The following CNOT1 variants were observed in gnomAD, a reference collection of about 807,000 sequenced individuals.
CNOT1 encodes the protein CCR4-associated factor 1.
A neutral mutation model predicts 273.8 loss-of-function variants in CNOT1; 15 were observed. That is an observed-to-expected ratio of 0.05 (90% CI 0.04 to 0.08). The LOEUF is 0.08. Among genes scored for constraint, CNOT1 ranks in the 10% least tolerant of loss-of-function variants. The pLI is 1.00. For missense variants in CNOT1, 1,644 were observed against 2,912.2 expected, an observed-to-expected ratio of 0.56 and a Z score of 10.02; for synonymous variants, 1,022 against 1,005.5, an observed-to-expected ratio of 1.02 and a Z score of -0.31.
chr16:58,529,419 G>A (rs1054066466), intron 43 of CNOT1, among the ~76,000 whole-genome samples: 4 of 151,978 alleles, frequency 2.6e-5, no homozygotes, highest in African/African-American at 9.7e-5. Context: ...CAAAGGGCTT[G>A]TATTTAAAAC....
intron 1 of CNOT1, among the ~76,000 whole-genome samples, chr16:58,618,689 C>A (rs527917568): frequency 6.7e-6 from 1 of 149,848 alleles, no homozygotes; most frequent in African/African-American, 2.5e-5. Flanking sequence ...TTCCGTAGTT[C>A]ATAAGCATGA....
chr16:58,545,270 G>A (rs1392120482), intron 30 of CNOT1, 91 bp downstream of exon 30: 2 of 1,553,736 alleles, frequency 1.3e-6, no homozygotes, highest in Non-Finnish European at 8.7e-7. Context: ...GGAATCCAGA[G>A]GGAAGGGCAA....
chr16:58,611,376 C>T (rs564413480), intron 1 of CNOT1, among the ~76,000 whole-genome samples: 15 of 152,004 alleles, frequency 9.9e-5, no homozygotes, highest in Admixed American at 3.9e-4. Flanking sequence ...TTACAGGGAG[C>T]CGAGACCACG....
rs56180546 is a variant in CNOT1 at position 58,554,935 on chromosome 16, C to CAAAAAAAA, written c.2891+308_2891+315dup. ...TGGGGGACAGAGCAAGACTCCATCT[C>CAAAAAAAA]AAAAAAAAAAAAAAAAAAGCTTCAG... On this transcript the variant is annotated intron_variant, in intron 21 of 48. Transcript: ENST00000317147. Among the ~76,000 whole-genome samples, 545 of 78,106 alleles carry CAAAAAAAA rather than the reference C, an allele frequency of 7.0e-3. 14 individuals carry two copies. Among genetic ancestry groups the CAAAAAAAA allele is most frequent in the Middle Eastern group, 8.2e-3 (1 of 122 alleles). The allele number at this position is 78,106 out of a possible 152,430, so 51.2% of individuals were successfully genotyped here.
chr16:58,620,002 G>A (rs539137109), intron 1 of CNOT1, among the ~76,000 whole-genome samples: 23 of 152,120 alleles, frequency 1.5e-4, no homozygotes, highest in African/African-American at 4.6e-4. Flanking sequence ...AACCACCACC[G>A]ATAGATCTTT....
chr16:58,602,421 T>C (rs1197098028), intron 1 of CNOT1, among the ~76,000 whole-genome samples: 1 of 151,650 alleles, frequency 6.6e-6, no homozygotes, highest in African/African-American at 2.4e-5. Flanking sequence ...GGTGTGGTGG[T>C]GCACACCTAT....
intron 25 of CNOT1, among the ~76,000 whole-genome samples, chr16:58,548,270 T>G (rs2040325306): frequency 1.3e-5 from 2 of 152,190 alleles, no homozygotes; most frequent in Non-Finnish European, 2.9e-5. Flanking sequence ...ATTTAACTGA[T>G]TCTCCGGTTA....
intron 1 of CNOT1, among the ~76,000 whole-genome samples, chr16:58,609,026 T>C (rs1332038199): frequency 6.6e-6 from 1 of 152,290 alleles, no homozygotes; most frequent in East Asian, 1.9e-4. Flanking sequence ...ACAAAGTGGG[T>C]ACAGTGTATA....
chr16:58,528,170 C>A, intron 44 of CNOT1: 1 of 520,300 alleles, frequency 1.9e-6, no homozygotes, highest in South Asian at 1.6e-5. Flanking sequence ...CCATGTGGGG[C>A]ACACCCAGCA....
intron 1 of CNOT1, among the ~76,000 whole-genome samples, chr16:58,618,875 G>A (rs181272645): frequency 3.4e-4 from 52 of 152,150 alleles, no homozygotes; most frequent in African/African-American, 1.2e-3. Flanking sequence ...CCTTGTGTAT[G>A]TGCCTTAAAT....
rs1433194627 is a variant in CNOT1, at chr16:58,538,045, A to C, written c.5260T>G (p.Leu1754Val). 3 of 1,614,088 alleles carry C rather than the reference A, an allele frequency of 1.9e-6. No individual in the cohort carries two copies. Among genetic ancestry groups the C allele is most frequent in the Non-Finnish European group, 2.5e-6 (3 of 1,180,044 alleles). ...GCAAATGCCACAGCCATGTAGTTTAAGCCATTCTCCATTGACTGGCAACAC... is the reference window on the plus strand; with the variant it reads ...GCAAATGCCACAGCCATGTAGTTTACGCCATTCTCCATTGACTGGCAACAC... ...LHLAQSMENG[L>V]NYMAVAFAMQ... Residue 1754 changes from leucine to valine, a missense_variant, in exon 38 of 49, where the codon TTA becomes GTA. Physicochemically the swap from Leu to Val is conservative, Grantham distance 32 (BLOSUM62 1). Transcript: ENST00000317147.
At chr16:58,618,608 T>C (rs2043182188) in intron 1 of CNOT1, among the ~76,000 whole-genome samples, 1 of 150,730 alleles carries the variant, frequency 6.6e-6, no homozygotes, top group Non-Finnish European at 1.5e-5. Flanking sequence ...CAGGGCATGT[T>C]GGCGCACACT....
At chr16:58,543,113 CA>C (rs1162855318) in intron 31 of CNOT1, 4 of 1,282,638 alleles carry the variant, frequency 3.1e-6, no homozygotes, top group Non-Finnish European at 3.0e-6. Context: ...AAAAAAAAGG[CA>C]AAAAACAACC....
intron 1 of CNOT1, among the ~76,000 whole-genome samples, chr16:58,622,454 T>TA (rs1012100700): frequency 8.1e-5 from 12 of 148,966 alleles, no homozygotes; most frequent in Non-Finnish European, 1.3e-4. Flanking sequence ...AAAACTGCTC[T>TA]AAAAAATAAA....
rs890309345 is a variant in CNOT1, at chr16:58,556,975, C to T, written c.2351G>A (p.Gly784Asp). 6.2e-7 allele frequency: 1 copy of T among 1,613,862 alleles called. No individual in the cohort carries two copies. Among genetic ancestry groups the T allele is most frequent in the African/African-American group, 1.3e-5 (1 of 74,910 alleles). Residue 784 changes from glycine to aspartate, a missense_variant, in exon 19 of 49, where the codon GGC (glycine) becomes GAC (aspartate). This residue lies in a region of CNOT1 where 706 missense variants were observed against 1,021.2 expected (regional missense o/e 0.69). Transcript: ENST00000317147. ...SQLPVGGLGT[G>D]SLTGIGTGAL... is the part of the protein sequence containing the mutation. ...ACCAGTTCCTATACCAGTCAGGCTG[C>T]CTGTGCCAAGACCACCTACTAGAGA...
intron 2 of CNOT1, 47 bp from the exon 3 acceptor site, chr16:58,588,953 A>C (rs756877577): frequency 1.3e-5 from 20 of 1,508,706 alleles, no homozygotes; most frequent in East Asian, 9.7e-5. Context: ...GATAAAACAA[A>C]AAAAAAAAGT....
At chr16:58,584,976 T>C (rs1214771101) in intron 8 of CNOT1, among the ~76,000 whole-genome samples, 1 of 151,332 alleles carries the variant, frequency 6.6e-6, no homozygotes, top group Non-Finnish European at 1.5e-5. Context: ...ATTAGAGGGG[T>C]GGGGGTCAGA....
intron 10 of CNOT1, 81 bp downstream of exon 10, chr16:58,582,712 G>T: frequency 1.2e-6 from 1 of 844,422 alleles, no homozygotes; most frequent in Non-Finnish European, 2.0e-6. Flanking sequence ...TAACGAAGGT[G>T]GAAAATTCTT....
intron 2 of CNOT1, among the ~76,000 whole-genome samples, chr16:58,593,604 C>T (rs1003726443): frequency 6.6e-6 from 1 of 150,776 alleles, no homozygotes; most frequent in African/African-American, 2.4e-5. Context: ...CATGGTAGCA[C>T]ATGCCTGTAG....
Sources: allele counts gnomAD v4.1 joint callset (sites outside exome capture counted in the v4.1 genomes callset), GRCh38; gene constraint gnomAD v4.1.1; regional missense constraint gnomAD v4.1.1; transcripts MANE v1.5; gene names NCBI Gene and HGNC (gene_info 2026-07-23, HGNC 2026-07-21).